The following CNOT10 variants were observed in gnomAD, a reference collection of about 807,000 sequenced individuals.
The protein encoded by CNOT10 is CCR4-NOT transcription complex, subunit 10.
Under a neutral mutation model 94.6 loss-of-function variants are expected in CNOT10, and 30 were observed. That is an observed-to-expected ratio of 0.32 (90% CI 0.24 to 0.43). CNOT10 has a LOEUF of 0.43. CNOT10 is among the 20% of genes least tolerant of loss of function. The pLI is 1.00. For missense variants in CNOT10, 759 were observed against 877.2 expected (o/e 0.87, Z 1.70); for synonymous variants, 289 against 301.6 (o/e 0.96, Z 0.43).
At chr3:32,698,593 A>G (rs1465537753) in intron 1 of CNOT10, among the ~76,000 whole-genome samples, 2 of 152,188 alleles carry the variant, frequency 1.3e-5, no homozygotes, top group Non-Finnish European at 2.9e-5. Context: ...GAAGGGAGCT[A>G]TATTTATTTA....
intron 18 of CNOT10, among the ~76,000 whole-genome samples, chr3:32,771,632 C>CTAGA (rs551629919): frequency 1.7e-3 from 258 of 151,926 alleles, no homozygotes; most frequent in African/African-American, 5.4e-3. Flanking sequence ...CTATATCTAT[C>CTAGA]TAGATAGATA....
chr3:32,707,081 GTTAA>G (rs1376228400), intron 3 of CNOT10, among the ~76,000 whole-genome samples: 1 of 152,154 alleles, frequency 6.6e-6, no homozygotes, highest in East Asian at 1.9e-4. Flanking sequence ...TGGTCTTAGA[GTTAA>G]TTACTTAATA....
chr3:32,720,519 T>A (rs376256676), intron 8 of CNOT10, among the ~76,000 whole-genome samples: 26 of 151,922 alleles, frequency 1.7e-4, no homozygotes, highest in African/African-American at 6.0e-4. Flanking sequence ...TTTATTTTAT[T>A]TTTTTGGAAA....
intron 18 of CNOT10, among the ~76,000 whole-genome samples, chr3:32,771,226 C>T (rs1700890255): frequency 6.6e-6 from 1 of 151,906 alleles, no homozygotes; most frequent in African/African-American, 2.4e-5. Context: ...ACTGGGAAGG[C>T]TGAGATTGGA....
At chr3:32,699,268 T>C (rs1185495285) in intron 1 of CNOT10, among the ~76,000 whole-genome samples, 1 of 152,212 alleles carries the variant, frequency 6.6e-6, no homozygotes, top group Non-Finnish European at 1.5e-5. Flanking sequence ...TACAAAGCAG[T>C]TTGCAATCTG....
intron 7 of CNOT10, among the ~76,000 whole-genome samples, chr3:32,719,495 T>A (rs1487056127): frequency 6.6e-6 from 1 of 152,196 alleles, no homozygotes; most frequent in Non-Finnish European, 1.5e-5. Context: ...CTCTGCATGC[T>A]TTCGTACTCT....
chr3:32,751,988 C>T (rs1412748265), intron 13 of CNOT10, among the ~76,000 whole-genome samples: 3 of 152,092 alleles, frequency 2.0e-5, no homozygotes, highest in Non-Finnish European at 4.4e-5. Flanking sequence ...TGATCACAAA[C>T]CAGGGTTAAA....
intron 18 of CNOT10, among the ~76,000 whole-genome samples, chr3:32,772,807 C>T (rs1474944794): frequency 3.3e-5 from 5 of 152,142 alleles, no homozygotes; most frequent in South Asian, 2.1e-4. Flanking sequence ...TGGCACCCAG[C>T]GGGCCTTAGC....
intron 1 of CNOT10, among the ~76,000 whole-genome samples, chr3:32,698,020 A>G (rs1351635332): frequency 1.3e-5 from 2 of 152,212 alleles, no homozygotes; most frequent in African/African-American, 4.8e-5. Context: ...CTGAGGTCCT[A>G]AAGTCCTGTG....
chr3:32,693,543 CT>C lies in CNOT10; in HGVS notation c.22+8076del, dbSNP rs374393225. The C allele has an allele frequency of 6.6e-3, 902 of 136,752 alleles. 1 individual carries two copies. Among genetic ancestry groups the C allele is most frequent in the African/African-American group, 0.012 (458 of 37,488 alleles). 8.5% of individuals were successfully genotyped at this position (136,752 alleles called of 1,614,324 possible). A position where few individuals can be genotyped will look rare whatever the true frequency, so the allele number is the denominator to read the frequency against. On this transcript the variant is annotated intron_variant, in intron 1 of 18. Transcript: ENST00000328834. ...TTAGAATTTAGAGTAATATATTGGT[CT>C]TTTTTTTTTTTTTTCCAGACAGGGT... is the stretch of plus-strand genomic sequence containing the variant.
intron 5 of CNOT10, among the ~76,000 whole-genome samples, chr3:32,715,598 T>G (rs1033161743): frequency 6.6e-6 from 1 of 151,550 alleles, no homozygotes; most frequent in African/African-American, 2.4e-5. Flanking sequence ...TAGAAAGATA[T>G]TCTGAGTTTT....
intron 8 of CNOT10, among the ~76,000 whole-genome samples, chr3:32,720,886 CTTCTT>C (rs1698354940): frequency 9.1e-6 from 1 of 110,056 alleles, no homozygotes; most frequent in Non-Finnish European, 1.7e-5. Context: ...CTTTCTTTTC[CTTCTT>C]TTCCTTCCTT....
At chr3:32,771,892 C>T (rs1480226567) in intron 18 of CNOT10, among the ~76,000 whole-genome samples, 1 of 152,178 alleles carries the variant, frequency 6.6e-6, no homozygotes, top group Non-Finnish European at 1.5e-5. Flanking sequence ...ACAAGTTTTA[C>T]AGTAAGCCAG....
In CNOT10 at chr3:32,717,144, C is replaced by T; in HGVS notation, c.661-10C>T. ...ATAGTTTTAACATACTAACATTTTC[C>T]CTTTGACAGTACAAAGTACGAGCTT... is the stretch of plus-strand genomic sequence containing the variant. On this transcript the variant is annotated splice_polypyrimidine_tract_variant and intron_variant, in intron 6 of 18. Transcript: ENST00000328834. 1 of 1,535,864 alleles carries T rather than the reference C, an allele frequency of 6.5e-7. No individual in the cohort carries two copies. The highest frequency in any genetic ancestry group is 8.9e-7 in the Non-Finnish European group (1 of 1,126,600).
Position 32,730,751 on chromosome 3 carries a change from G to A in CNOT10, c.1216-2672G>A, listed in dbSNP as rs957496083. 2.0e-5 allele frequency: 3 copies of A among 152,190 alleles called. No homozygotes were observed. In the East Asian group the frequency reaches 5.8e-4, roughly 29 times the overall value. The allele number at this position is 152,190 out of a possible 1,614,324, so 9.4% of individuals were successfully genotyped here. On this transcript the variant is annotated intron_variant, in intron 10 of 18. Coordinates refer to ENST00000328834, the MANE Select transcript of CNOT10 (RefSeq NM_015442.3). ...AAAATTAACTTGTTTATGCTAAGGA[G>A]GACATTTTGTCCTGAATATCTGGTA...
chr3:32,757,088 A>T (rs1228574451), intron 13 of CNOT10, among the ~76,000 whole-genome samples: 1 of 149,098 alleles, frequency 6.7e-6, no homozygotes, highest in Non-Finnish European at 1.5e-5. Flanking sequence ...CCCAGGCAAC[A>T]GAGCAAGACT....
intron 17 of CNOT10, chr3:32,769,633 T>C (rs953541294): frequency 2.7e-5 from 11 of 407,396 alleles, no homozygotes; most frequent in African/African-American, 2.0e-4. Context: ...ACCAGCAGAA[T>C]TGGATGGTTG....
chr3:32,749,606 C>T (rs1326626140), intron 13 of CNOT10, among the ~76,000 whole-genome samples: 1 of 151,880 alleles, frequency 6.6e-6, no homozygotes, highest in Non-Finnish European at 1.5e-5. Flanking sequence ...GACAGGATTT[C>T]CCCATGTTGG....
intron 18 of CNOT10, among the ~76,000 whole-genome samples, chr3:32,772,182 C>G (rs1700935843): frequency 1.3e-5 from 2 of 152,016 alleles, no homozygotes; most frequent in South Asian, 4.1e-4. Context: ...AACCCTGTCT[C>G]TACTAAAAAT....
Sources: gnomAD v4.1 joint callset for allele counts (sites outside exome capture counted in the v4.1 genomes callset) on GRCh38, gnomAD v4.1.1 for gene constraint, MANE v1.5 for transcripts, NCBI Gene and HGNC (gene_info 2026-07-23, HGNC 2026-07-21) for gene names.